SELENOO: variants seen among roughly 807,000 people sequenced by gnomAD.
The protein encoded by SELENOO is protein adenylyltransferase SelO, mitochondrial.
In SELENOO, 74 loss-of-function variants were observed where a neutral mutation model predicts 58.7. That is an observed-to-expected ratio of 1.26 (90% CI 1.04 to 1.53). The LOEUF (loss-of-function observed/expected upper bound fraction) is 1.53. Among genes scored for constraint, SELENOO ranks in the 40% most tolerant of loss-of-function variants. The pLI is 0.00. For synonymous variants in SELENOO, 543 were observed against 453.2 expected (o/e 1.20, Z -2.52); for missense variants, 1,149 against 970.0 (o/e 1.18, Z -2.45).
intron 3 of SELENOO, among the ~76,000 whole-genome samples, chr22:50,209,794 G>C (rs140144566): frequency 4.6e-5 from 7 of 152,202 alleles, no homozygotes; most frequent in African/African-American, 9.6e-5. Context: ...TGTCTGGTTG[G>C]GGGGGGCCAG....
At position 50,217,065 on chromosome 22, in the gene SELENOO, C is replaced by A; in HGVS notation, c.1782C>A (p.Tyr594Ter). ...VRVMHANNPK[Y>*]VLRNYIAQNA... ...TGATGCACGCCAACAACCCGAAGTA[C>A]GTGCTGAGGAACTACATCGCGCAGA... Residue 594 changes from tyrosine (Y) to a stop codon, truncating the protein, a stop_gained, in exon 8 of 9, where the codon TAC becomes TAA. Transcript: ENST00000380903. LOFTEE classifies it high-confidence loss of function. 1 of 1,612,826 alleles carries A rather than the reference C, an allele frequency of 6.2e-7. No homozygotes were observed. The highest frequency in any genetic ancestry group is 8.5e-7 in the Non-Finnish European group (1 of 1,179,956).
At chr22:50,204,437 G>A (rs568934805) in intron 1 of SELENOO, among the ~76,000 whole-genome samples, 99 of 152,054 alleles carry the variant, frequency 6.5e-4, no homozygotes, top group Non-Finnish European at 1.3e-3. Context: ...GACCAGCCTG[G>A]CCAACATGGT....
At chr22:50,210,349 G>C (rs1167276887) in intron 4 of SELENOO, 38 bp downstream of exon 4, 2 of 1,597,304 alleles carry the variant, frequency 1.3e-6, no homozygotes, top group South Asian at 2.2e-5. Flanking sequence ...GCAGGCCCCA[G>C]GGCTGGGGGG....
Position 50,216,848 on chromosome 22 carries a change from C to G in SELENOO, c.1660C>G (p.His554Asp). The G allele has an allele frequency of 6.2e-7, 1 of 1,608,428 alleles. No individual in the cohort carries two copies. Among genetic ancestry groups the G allele is most frequent in the Non-Finnish European group, 8.5e-7 (1 of 1,179,896 alleles). Residue 554 changes from histidine (H) to aspartate (D), a missense_variant, in exon 7 of 9, where the codon CAC becomes GAC. Physicochemically the swap from His to Asp is moderately conservative, Grantham distance 81. Transcript: ENST00000380903. Reference sequence around the variant, plus strand: ...AGAGCTGCAGAGCAGGAACCAGGGCCACTGGGCTGACTGGCTACAGGCGTA... The same window carrying G: ...AGAGCTGCAGAGCAGGAACCAGGGCGACTGGGCTGACTGGCTACAGGCGTA... ...AAELQSRNQG[H>D]WADWLQAYRA... is the part of the protein sequence containing the mutation.
rs1339992949 is a variant in SELENOO, at chr22:50,201,053, C to T, written c.17C>T (p.Ala6Val). The change falls in exon 1 of 9, where the codon GCA (alanine) becomes GTA (valine). Residue 6 changes from alanine to valine, a missense_variant. Ala to Val is a moderately conservative substitution (Grantham distance 64, BLOSUM62 0). Coordinates refer to ENST00000380903, the MANE Select transcript of SELENOO (RefSeq NM_031454.2). MAVYR[A>V]ALGASLAAAR... The stretch of plus-strand genomic sequence containing the variant: ...GGGCCGCGGATGGCCGTATACAGGG[C>T]AGCGCTCGGGGCTTCGCTCGCGGCT... 6.7e-6 allele frequency: 9 copies of T among 1,343,396 alleles called. No individual in the cohort carries two copies. The highest frequency in any genetic ancestry group is 3.4e-5 in the Admixed American group (1 of 29,638). The allele number at this position is 1,343,396 out of a possible 1,614,324, so 83.2% of individuals were successfully genotyped here.
rs566176824 is a variant in SELENOO at position 50,202,502 on chromosome 22, G to C, written c.554+912G>C. On this transcript the variant is annotated intron_variant, in intron 1 of 8. Transcript: ENST00000380903. ...GACAGCACCGGCCGCCCACTGGAGC[G>C]TTTCTGACCCTTGGAACGTGGTGGA... is the stretch of plus-strand genomic sequence containing the variant. 3.9e-5 allele frequency among the ~76,000 whole-genome samples: 6 copies of C among 151,910 alleles called. No homozygotes were observed. In the South Asian group the frequency reaches 1.2e-3, roughly 32 times the overall value.
At chr22:50,211,278 G>A (rs762812354) in intron 5 of SELENOO, among the ~76,000 whole-genome samples, 5 of 152,148 alleles carry the variant, frequency 3.3e-5, no homozygotes, top group Non-Finnish European at 5.9e-5. Flanking sequence ...TGGCTGTTGC[G>A]TACGGTGCAC....
At chr22:50,210,447 T>TA (rs1429243462) in intron 4 of SELENOO, 136 bp downstream of exon 4, 2 of 1,353,272 alleles carry the variant, frequency 1.5e-6, no homozygotes, top group East Asian at 4.8e-5. Flanking sequence ...ATGTAGGAAG[T>TA]AGAGAGTCCA....
intron 3 of SELENOO, chr22:50,209,309 C>T (rs1176028327): frequency 6.6e-6 from 1 of 152,506 alleles, no homozygotes; most frequent in Non-Finnish European, 1.5e-5. Context: ...CTCAGGCCAC[C>T]CCTGGAGCAG....
At chr22:50,205,351 C>T (rs1439252952) in intron 1 of SELENOO, among the ~76,000 whole-genome samples, 3 of 152,184 alleles carry the variant, frequency 2.0e-5, no homozygotes, top group African/African-American at 4.8e-5. Context: ...TTTGGGAGGC[C>T]AAGGTGAGAG....
In SELENOO at chr22:50,201,265, G is replaced by A. The variant is rs1403980860; in HGVS notation, c.229G>A (p.Val77Met). The A allele has an allele frequency of 1.9e-6, 2 of 1,069,862 alleles. No individual in the cohort carries two copies. The highest frequency in any genetic ancestry group is 1.7e-5 in the African/African-American group (1 of 58,660). The allele number at this position is 1,069,862 out of a possible 1,614,324, so 66.3% of individuals were successfully genotyped here. ...PEGAPSAPRP[V>M]PGACFTRVQP... ...GGGCGCCCCGTCCGCGCCGCGGCCCGTGCCCGGGGCCTGCTTCACCCGCGT... is the reference window on the plus strand; with the variant it reads ...GGGCGCCCCGTCCGCGCCGCGGCCCATGCCCGGGGCCTGCTTCACCCGCGT... The change falls in exon 1 of 9, where the codon GTG becomes ATG. Residue 77 changes from valine (V) to methionine (M), a missense_variant. Transcript: ENST00000380903.
chr22:50,206,212 C>T, intron 1 of SELENOO, 105 bp from the exon 2 acceptor site: 1 of 970,358 alleles, frequency 1.0e-6, no homozygotes. Flanking sequence ...GACGTGCAAG[C>T]TGCTCACGTT....
In SELENOO at chr22:50,215,647, G is replaced by A. The variant is rs1444611436; in HGVS notation, c.1352-70G>A. On this transcript the variant is annotated intron_variant, in intron 5 of 8. Coordinates refer to ENST00000380903, the MANE Select transcript of SELENOO (RefSeq NM_031454.2). ...TGTGCCAGGGGGGTGGGGGGGGGGG[G>A]GTCTGTGTGGCACCAGGACAGGGAC... The A allele has an allele frequency of 8.6e-4, 1,003 of 1,167,680 alleles. 14 individuals are homozygous for A. The African/African-American group carries it at 0.014, about 16-fold the overall frequency. 72.3% of individuals were successfully genotyped at this position (1,167,680 alleles called of 1,614,324 possible). A position where few individuals can be genotyped will look rare whatever the true frequency, so the allele number is the denominator to read the frequency against.
chr22:50,202,854 A>G (rs1409302971), intron 1 of SELENOO, among the ~76,000 whole-genome samples: 1 of 152,204 alleles, frequency 6.6e-6, no homozygotes, highest in African/African-American at 2.4e-5. Flanking sequence ...CAGTTCTCCA[A>G]GATTGAGGCT....
At chr22:50,215,605 TG>T (rs1428773596) in intron 5 of SELENOO, 111 bp from the exon 6 acceptor site, 12 of 748,250 alleles carry the variant, frequency 1.6e-5, no homozygotes, top group Non-Finnish European at 2.4e-5. Context: ...AGCATGTGGG[TG>T]GGTCCATGCA....
rs772319368 is a variant in SELENOO at position 50,217,358 on chromosome 22, T to C, written c.1999T>C (p.Sec667Arg). Residue 667 changes from selenocysteine to arginine, a missense_variant, in exon 9 of 9, where the codon TGA becomes CGA. Transcript: ENST00000380903. ...PLWAAELCVT[U>R]SS Reference sequence around the variant, plus strand: ...CTGGGCAGCAGAACTGTGCGTGACATGATCTTCGTAACGGCCTCGGCACGC... The same window carrying C: ...CTGGGCAGCAGAACTGTGCGTGACACGATCTTCGTAACGGCCTCGGCACGC... The C allele has an allele frequency of 1.2e-5, 20 of 1,612,570 alleles. No homozygotes were observed. Among genetic ancestry groups the C allele is most frequent in the African/African-American group, 8.0e-5 (6 of 74,886 alleles).
chr22:50,210,117 G>A, intron 3 of SELENOO, 64 bp from the exon 4 acceptor site: 1 of 1,568,154 alleles, frequency 6.4e-7, no homozygotes. Flanking sequence ...GGGGAAGGAT[G>A]GACACGAGTG....
chr22:50,214,594 A>G (rs1373261455), intron 5 of SELENOO, among the ~76,000 whole-genome samples: 1 of 151,758 alleles, frequency 6.6e-6, no homozygotes, highest in Non-Finnish European at 1.5e-5. Flanking sequence ...CAAGAGCAAG[A>G]CTCCATCTCA....
chr22:50,205,426 A>C (rs2064326943), intron 1 of SELENOO, among the ~76,000 whole-genome samples: 2 of 152,214 alleles, frequency 1.3e-5, no homozygotes, highest in South Asian at 4.1e-4. Flanking sequence ...TACAAAAAGT[A>C]AGACAAGAAT....
Sources: gnomAD v4.1 joint callset for allele counts (sites outside exome capture counted in the v4.1 genomes callset) on GRCh38, gnomAD v4.1.1 for gene constraint, MANE v1.5 for transcripts, NCBI Gene and HGNC (gene_info 2026-07-23, HGNC 2026-07-21) for gene names.